The following UBE2E2 variants were observed in gnomAD, a reference collection of about 807,000 sequenced individuals.
UBE2E2 encodes the protein ubiquitin conjugating enzyme E2 E2, also known as ubiquitin-conjugating enzyme E2 E2.
In UBE2E2, 6 loss-of-function variants were observed where a neutral mutation model predicts 24.7. The ratio of observed to expected loss-of-function variants is 0.24; its 90% CI spans 0.13 to 0.48. UBE2E2 has a LOEUF of 0.48. Among genes scored for constraint, UBE2E2 ranks in the 20% least tolerant of loss-of-function variants. UBE2E2 has a pLI of 0.99. For synonymous variants in UBE2E2, 104 were observed against 83.6 expected, an observed-to-expected ratio of 1.24 and a Z score of -1.33; for missense variants, 169 against 245.0, an observed-to-expected ratio of 0.69 and a Z score of 2.07.
At chr3:23,546,819 A>G (rs1212628027) in intron 5 of UBE2E2, among the ~76,000 whole-genome samples, 1 of 152,134 alleles carries the variant, frequency 6.6e-6, no homozygotes, top group Non-Finnish European at 1.5e-5. Context: ...CTTTTAATGA[A>G]GATAATGAAA....
rs544777777 is a variant in UBE2E2, at chr3:23,420,340, A to G, written c.228-79268A>G. Among the ~76,000 whole-genome samples, 18 of 152,340 alleles carry G rather than the reference A, an allele frequency of 1.2e-4. 2 individuals carry two copies. Among genetic ancestry groups the G allele is most frequent in the African/African-American group, 4.1e-4 (17 of 41,570 alleles). On this transcript the variant is annotated intron_variant, in intron 3 of 5. Transcript: ENST00000396703. ...ATGATTGAATATCTTCTTTAATAAA[A>G]TGAGGGAACTGGATCAGAAAGTCTA...
chr3:23,329,998 A>G (rs1009287082), intron 3 of UBE2E2, among the ~76,000 whole-genome samples: 8 of 152,348 alleles, frequency 5.3e-5, no homozygotes, highest in African/African-American at 1.7e-4. Context: ...TTAATTGTGC[A>G]TTTAAAAAAA....
chr3:23,517,778 G>A (rs35966355), intron 4 of UBE2E2, among the ~76,000 whole-genome samples: 4,920 of 152,166 alleles, frequency 0.032, 130 homozygotes, highest in East Asian at 0.14. Context: ...ATGTGGTGCA[G>A]TTGTTTGCTT....
At chr3:23,312,464 T>TCAAA (rs1694434738) in intron 3 of UBE2E2, among the ~76,000 whole-genome samples, 1 of 152,096 alleles carries the variant, frequency 6.6e-6, no homozygotes, top group South Asian at 2.1e-4. Flanking sequence ...TGATGTGCTA[T>TCAAA]CAAATACTGG....
At chr3:23,572,020 G>A (rs994219308) in intron 5 of UBE2E2, among the ~76,000 whole-genome samples, 1 of 152,112 alleles carries the variant, frequency 6.6e-6, no homozygotes, top group Non-Finnish European at 1.5e-5. Context: ...TGTCTCCTTG[G>A]AATTTGGGAT....
At chr3:23,450,216 A>G (rs1575638112) in intron 3 of UBE2E2, among the ~76,000 whole-genome samples, 1 of 152,200 alleles carries the variant, frequency 6.6e-6, no homozygotes, top group Admixed American at 6.5e-5. Context: ...GTTAAGTGTG[A>G]TTAGTGAAAC....
At chr3:23,578,482 T>A (rs1162320747) in intron 5 of UBE2E2, among the ~76,000 whole-genome samples, 1 of 152,212 alleles carries the variant, frequency 6.6e-6, no homozygotes, top group African/African-American at 2.4e-5. Context: ...TGCACACATA[T>A]GCTCATTGCA....
chr3:23,539,375 A>G (rs1029524363), intron 5 of UBE2E2, among the ~76,000 whole-genome samples: 1 of 152,178 alleles, frequency 6.6e-6, no homozygotes, highest in African/African-American at 2.4e-5. Flanking sequence ...GATTCTTTTA[A>G]AGATGGTTAA....
At chr3:23,487,277 C>T (rs1358647677) in intron 3 of UBE2E2, among the ~76,000 whole-genome samples, 50 of 152,100 alleles carry the variant, frequency 3.3e-4, no homozygotes, top group Non-Finnish European at 3.5e-4. Flanking sequence ...TAGGAGCAGG[C>T]ACTTCCAAGC....
intron 3 of UBE2E2, among the ~76,000 whole-genome samples, chr3:23,344,268 C>G (rs542603669): frequency 6.6e-6 from 1 of 152,164 alleles, no homozygotes; most frequent in South Asian, 2.1e-4. Context: ...AGTCATCTTA[C>G]AATAGAGACA....
chr3:23,438,537 T>G (rs1486397917), intron 3 of UBE2E2, among the ~76,000 whole-genome samples: 1 of 152,228 alleles, frequency 6.6e-6, no homozygotes, highest in Admixed American at 6.5e-5. Flanking sequence ...TTTTCAGTAG[T>G]TGTACGGTTT....
In UBE2E2 at chr3:23,441,870, G is replaced by A. The variant is rs75299412; in HGVS notation, c.228-57738G>A. ...GAAAATGAAACTCTTCATTTGGGTC[G>A]TTTAAAACACATTTGCTTTTGGTGT... On this transcript the variant is annotated intron_variant, in intron 3 of 5. Coordinates refer to ENST00000396703, the MANE Select transcript of UBE2E2 (RefSeq NM_152653.4). Among the ~76,000 whole-genome samples, 267 of 152,094 alleles carry A rather than the reference G, an allele frequency of 1.8e-3. 1 individual carries two copies. Among genetic ancestry groups the A allele is most frequent in the African/African-American group, 6.1e-3 (251 of 41,484 alleles).
chr3:23,409,178 A>G (rs1273099981), intron 3 of UBE2E2, among the ~76,000 whole-genome samples: 1 of 152,148 alleles, frequency 6.6e-6, no homozygotes, highest in African/African-American at 2.4e-5. Flanking sequence ...CTTGGGATGA[A>G]TGTAGATAGA....
At chr3:23,281,237 A>G (rs1273126768) in intron 3 of UBE2E2, among the ~76,000 whole-genome samples, 1 of 152,212 alleles carries the variant, frequency 6.6e-6, no homozygotes, top group African/African-American at 2.4e-5. Context: ...TAAAGATTTC[A>G]TGTTTGTTTT....
chr3:23,573,100 A>G (rs1188636662), intron 5 of UBE2E2, among the ~76,000 whole-genome samples: 1 of 152,228 alleles, frequency 6.6e-6, no homozygotes, highest in Non-Finnish European at 1.5e-5. Context: ...ATCAAACCCT[A>G]CTATAAAGCT....
intron 3 of UBE2E2, among the ~76,000 whole-genome samples, chr3:23,272,412 G>T (rs1698268915): frequency 6.6e-6 from 1 of 151,988 alleles, no homozygotes; most frequent in African/African-American, 2.4e-5. Context: ...CAAGCAGAGG[G>T]GGCTGGCTCC....
intron 3 of UBE2E2, among the ~76,000 whole-genome samples, chr3:23,361,508 A>G (rs1433477076): frequency 6.6e-6 from 1 of 152,242 alleles, no homozygotes; most frequent in Non-Finnish European, 1.5e-5. Context: ...ATTAAAAGGA[A>G]TGAAGTATGT....
At chr3:23,451,643 A>G (rs929702024) in intron 3 of UBE2E2, among the ~76,000 whole-genome samples, 2 of 152,240 alleles carry the variant, frequency 1.3e-5, no homozygotes, top group African/African-American at 4.8e-5. Context: ...ATAAGCTAAT[A>G]TCCTGGTAAT....
intron 3 of UBE2E2, among the ~76,000 whole-genome samples, chr3:23,271,573 TAC>T (rs1698244020): frequency 6.6e-6 from 1 of 152,140 alleles, no homozygotes; most frequent in South Asian, 2.1e-4. Flanking sequence ...TGGTCCATTT[TAC>T]AGAGAGCTGA....
Sources: allele counts gnomAD v4.1 joint callset (sites outside exome capture counted in the v4.1 genomes callset), GRCh38; gene constraint gnomAD v4.1.1; transcripts MANE v1.5; gene names NCBI Gene and HGNC (gene_info 2026-07-23, HGNC 2026-07-21).